The following MAMDC2 variants were observed in gnomAD, a reference collection of about 807,000 sequenced individuals.
MAMDC2 encodes the protein MAM domain containing 2.
Under a neutral mutation model 89.8 loss-of-function variants are expected in MAMDC2, and 57 were observed. That is an observed-to-expected ratio of 0.63 (90% CI 0.51 to 0.79). MAMDC2 has a LOEUF of 0.79. Among genes scored for constraint, MAMDC2 ranks in the 30% least tolerant of loss-of-function variants. MAMDC2 has a pLI of 0.00. For synonymous variants in MAMDC2, 313 were observed against 293.4 expected, an observed-to-expected ratio of 1.07 and a Z score of -0.68; for missense variants, 800 against 820.6, an observed-to-expected ratio of 0.97 and a Z score of 0.31.
rs1313498558 is a variant in MAMDC2 at position 70,203,423 on chromosome 9, C to A, written c.1652-14914C>A. ...GCTTGTAGGGTTTCTGCCGAGAGATCCGCTGTTAGTCTGATGGGCTTCCCT... is the reference window on the plus strand; with the variant it reads ...GCTTGTAGGGTTTCTGCCGAGAGATACGCTGTTAGTCTGATGGGCTTCCCT... On this transcript the variant is annotated intron_variant, in intron 11 of 13. Coordinates refer to ENST00000377182, the MANE Select transcript of MAMDC2 (RefSeq NM_153267.5). 6.9e-4 allele frequency among the ~76,000 whole-genome samples: 93 copies of A among 135,566 alleles called. 1 individual carries two copies. Among genetic ancestry groups the A allele is most frequent in the African/African-American group, 2.5e-3 (93 of 36,644 alleles). The allele number at this position is 135,566 out of a possible 152,430, so 88.9% of individuals were successfully genotyped here. A position where few individuals can be genotyped will look rare whatever the true frequency, so the allele number is the denominator to read the frequency against.
At chr9:70,170,292 G>A (rs1396681753) in intron 10 of MAMDC2, 187 bp from the exon 11 acceptor site, 9 of 484,864 alleles carry the variant, frequency 1.9e-5, no homozygotes, top group Non-Finnish European at 3.2e-5. Flanking sequence ...GTCTGTGGCA[G>A]GACCCGCAGT....
intron 2 of MAMDC2, among the ~76,000 whole-genome samples, chr9:70,055,137 A>G (rs1339057049): frequency 2.0e-5 from 3 of 152,210 alleles, no homozygotes; most frequent in Non-Finnish European, 4.4e-5. Context: ...TGTATAATAT[A>G]TTCTATTTCT....
At chr9:70,158,452 T>C (rs1163324793) in intron 9 of MAMDC2, among the ~76,000 whole-genome samples, 2 of 151,680 alleles carry the variant, frequency 1.3e-5, no homozygotes, top group Non-Finnish European at 1.5e-5. Context: ...TATATACATA[T>C]ATGCATATTT....
chr9:70,214,330 C>T (rs1211038488), intron 11 of MAMDC2, among the ~76,000 whole-genome samples: 2 of 152,146 alleles, frequency 1.3e-5, no homozygotes, highest in Non-Finnish European at 2.9e-5. Context: ...CTGAGAATAT[C>T]TAGAGGAAGA....
intron 9 of MAMDC2, among the ~76,000 whole-genome samples, chr9:70,158,776 C>G (rs554010258): frequency 2.3e-4 from 35 of 152,132 alleles, no homozygotes; most frequent in Middle Eastern, 3.4e-3. Flanking sequence ...GTATAGCCTA[C>G]TACACACCTA....
At position 70,044,577 on chromosome 9, in the gene MAMDC2, C is replaced by G. The variant is rs1348778200; in HGVS notation, c.35-7C>G. The G allele has an allele frequency of 3.9e-6, 6 of 1,548,038 alleles. No individual in the cohort carries two copies. The highest frequency in any genetic ancestry group is 5.2e-6 in the Non-Finnish European group (6 of 1,146,104). ...AGCTCGAACTGAAACTCGCTTTGTG[C>G]CCGCAGCCCTGCAGCTCGCCGGTGC... On this transcript the variant is annotated splice_region_variant and splice_polypyrimidine_tract_variant and intron_variant, in intron 1 of 13. Transcript: ENST00000377182.
chr9:70,162,162 C>T lies in MAMDC2; in HGVS notation c.1405-6540C>T, dbSNP rs73451458. On this transcript the variant is annotated intron_variant, in intron 9 of 13. Coordinates refer to ENST00000377182, the MANE Select transcript of MAMDC2 (RefSeq NM_153267.5). Reference sequence around the variant, plus strand: ...TGGATTAACCCAACAACCTAGTCTACCATGTCTATCAAGCAGGTCATGGAA... The same window carrying T: ...TGGATTAACCCAACAACCTAGTCTATCATGTCTATCAAGCAGGTCATGGAA... Among the ~76,000 whole-genome samples the T allele has an allele frequency of 4.2e-3, 641 of 152,240 alleles. 4 individuals carry two copies. Among genetic ancestry groups the T allele is most frequent in the African/African-American group, 0.013 (555 of 41,540 alleles).
rs531440678 is a variant in MAMDC2, at chr9:70,096,495, C to G, written c.149-11716C>G. Among the ~76,000 whole-genome samples, 193 of 152,270 alleles carry G rather than the reference C, an allele frequency of 1.3e-3. 3 individuals carry two copies. Among genetic ancestry groups the G allele is most frequent in the Admixed American group, 3.0e-3 (46 of 15,294 alleles). ...AAACCTACTAGCTGAGTCAGCCCCC[C>G]CTTTGAGGAGCTTTCCTGAAAGCCC... On this transcript the variant is annotated intron_variant, in intron 2 of 13. Coordinates refer to ENST00000377182, the MANE Select transcript of MAMDC2 (RefSeq NM_153267.5).
chr9:70,174,725 A>AT (rs34725592), intron 11 of MAMDC2, among the ~76,000 whole-genome samples: 120,171 of 141,852 alleles, frequency 0.85, 51,003 homozygotes, highest in East Asian at 0.95. Context: ...AGGGCTTTGG[A>AT]TTTTTTTTTT....
chr9:70,138,214 A>G (rs773563800), intron 7 of MAMDC2, among the ~76,000 whole-genome samples: 24 of 152,104 alleles, frequency 1.6e-4, no homozygotes, highest in Non-Finnish European at 3.2e-4. Context: ...AATTCCAACC[A>G]TGTTGCTGCA....
At chr9:70,213,365 C>G (rs1006356946) in intron 11 of MAMDC2, among the ~76,000 whole-genome samples, 2 of 152,168 alleles carry the variant, frequency 1.3e-5, no homozygotes, top group African/African-American at 4.8e-5. Context: ...TGGGCCTTTT[C>G]AGAGCTCCAT....
chr9:70,151,513 A>G (rs2031578580), intron 9 of MAMDC2, among the ~76,000 whole-genome samples: 1 of 152,200 alleles, frequency 6.6e-6, no homozygotes, highest in South Asian at 2.1e-4. Context: ...TGGTCAATGA[A>G]TGAATAAAAG....
chr9:70,208,346 A>G (rs573678670), intron 11 of MAMDC2, among the ~76,000 whole-genome samples: 14 of 152,280 alleles, frequency 9.2e-5, no homozygotes, highest in Admixed American at 9.2e-4. Context: ...GAGGTCCTTC[A>G]CATCCCTTGT....
intron 6 of MAMDC2, among the ~76,000 whole-genome samples, chr9:70,129,461 G>C (rs2030701099): frequency 1.3e-5 from 2 of 152,058 alleles, no homozygotes; most frequent in Admixed American, 1.3e-4. Context: ...CAGCAGCATT[G>C]AAACAGACTA....
intron 11 of MAMDC2, chr9:70,194,689 G>C (rs146644403): frequency 6.6e-6 from 1 of 152,082 alleles, no homozygotes; most frequent in African/African-American, 2.4e-5. Context: ...TTTGTGAAAA[G>C]AATAATATGT....
chr9:70,109,633 C>G (rs770561369), intron 3 of MAMDC2, 87 bp from the exon 4 acceptor site: 2 of 1,097,290 alleles, frequency 1.8e-6, no homozygotes, highest in African/African-American at 3.1e-5. Flanking sequence ...AGTGGCTGAA[C>G]AGCTCCAGAC....
At chr9:70,078,650 A>G (rs1827589529) in intron 2 of MAMDC2, among the ~76,000 whole-genome samples, 1 of 152,184 alleles carries the variant, frequency 6.6e-6, no homozygotes, top group South Asian at 2.1e-4. Flanking sequence ...ATTTATAGCT[A>G]TCTGGGCAAT....
At position 70,044,207 on chromosome 9, in the gene MAMDC2, AG is replaced by A; in HGVS notation, c.14del (p.Gly5AlafsTer42). On this transcript the variant is annotated frameshift_variant, in exon 1 of 14. Coordinates refer to ENST00000377182, the MANE Select transcript of MAMDC2 (RefSeq NM_153267.5). LOFTEE classifies it high-confidence loss of function. MLL[R>X]GVLLALQALQ... ...TCCCTGAAACGCGACCATGCTGTTAAGGGGCGTCCTCCTGGCGTTGCAAGGT... is the reference window on the plus strand; with the variant it reads ...TCCCTGAAACGCGACCATGCTGTTAAGGGCGTCCTCCTGGCGTTGCAAGGT... The A allele has an allele frequency of 6.2e-7, 1 of 1,613,680 alleles. No individual in the cohort carries two copies. The highest frequency in any genetic ancestry group is 8.5e-7 in the Non-Finnish European group (1 of 1,179,936).
intron 7 of MAMDC2, 95 bp from the exon 8 acceptor site, chr9:70,140,049 TG>T (rs2031154864): frequency 5.4e-6 from 7 of 1,300,096 alleles, no homozygotes; most frequent in Non-Finnish European, 7.2e-6. Context: ...CGGTCTCCCC[TG>T]GTACAAATGT....
Sources: gnomAD v4.1 joint callset for allele counts (sites outside exome capture counted in the v4.1 genomes callset) on GRCh38, gnomAD v4.1.1 for gene constraint, MANE v1.5 for transcripts, NCBI Gene and HGNC (gene_info 2026-07-23, HGNC 2026-07-21) for gene names.